Variants in ZBED4 observed in about 807,000 individuals in gnomAD.
ZBED4 encodes the protein zinc finger BED domain-containing protein 4.
In ZBED4, 4 loss-of-function variants were observed where a neutral mutation model predicts 15.5. The ratio of observed to expected loss-of-function variants is 0.26; its 90% CI spans 0.13 to 0.59. The LOEUF is 0.59. Among genes scored for constraint, ZBED4 ranks in the 20% least tolerant of loss-of-function variants. The probability of loss-of-function intolerance (pLI) is 0.90; values close to 1 mark genes in which losing one functional copy is unlikely to be tolerated. For synonymous variants in ZBED4, 692 were observed against 608.5 expected (o/e 1.14, Z -2.02); for missense variants, 1,323 against 1,461.8 (o/e 0.91, Z 1.55).
chr22:49,855,165 AT>A (rs1353154440), intron 1 of ZBED4, among the ~76,000 whole-genome samples: 1 of 152,164 alleles, frequency 6.6e-6, no homozygotes, highest in African/African-American at 2.4e-5. Flanking sequence ...CCTTAAACGG[AT>A]TATATCTGCT....
chr22:49,856,461 G>A (rs1307845903), intron 1 of ZBED4, among the ~76,000 whole-genome samples: 2 of 152,222 alleles, frequency 1.3e-5, no homozygotes, highest in Non-Finnish European at 2.9e-5. Flanking sequence ...GTCTGGGGGC[G>A]ATGGCGGAAG....
At chr22:49,872,346 A>G (rs963676458) in intron 1 of ZBED4, among the ~76,000 whole-genome samples, 4 of 152,126 alleles carry the variant, frequency 2.6e-5, no homozygotes, top group African/African-American at 7.2e-5. Context: ...GAGTACAGCA[A>G]TTCCGCCGTA....
At chr22:49,854,946 G>A (rs2060268680) in intron 1 of ZBED4, among the ~76,000 whole-genome samples, 1 of 152,168 alleles carries the variant, frequency 6.6e-6, no homozygotes, top group Admixed American at 6.6e-5. Context: ...TTTTTTCTGT[G>A]TATGTCATTC....
chr22:49,876,645 C>T (rs950971623), intron 1 of ZBED4, among the ~76,000 whole-genome samples: 1 of 152,004 alleles, frequency 6.6e-6, no homozygotes, highest in Non-Finnish European at 1.5e-5. Context: ...AGCCCTTTTC[C>T]TGTTTGCCCT....
At position 49,883,068 on chromosome 22, in the gene ZBED4, C is replaced by T. The variant is rs141272695; in HGVS notation, c.-329-266C>T. Among the ~76,000 whole-genome samples, 26 of 152,248 alleles carry T rather than the reference C, an allele frequency of 1.7e-4. No individual in the cohort carries two copies. In the East Asian group the frequency reaches 4.8e-3, roughly 28 times the overall value. On this transcript the variant is annotated intron_variant, in intron 1 of 1. Coordinates refer to ENST00000216268, the MANE Select transcript of ZBED4 (RefSeq NM_014838.3). ...TCTAGATGAGGCAACCTCTTTATAC[C>T]ATTCTAGGTTTTAATTCATGTTCCC...
intron 1 of ZBED4, among the ~76,000 whole-genome samples, chr22:49,863,957 C>T (rs1018658446): frequency 1.3e-5 from 2 of 152,196 alleles, no homozygotes; most frequent in African/African-American, 2.4e-5. Flanking sequence ...GACATCATTC[C>T]TGAACTCTCT....
At chr22:49,873,471 C>G (rs2060358763) in intron 1 of ZBED4, among the ~76,000 whole-genome samples, 1 of 152,062 alleles carries the variant, frequency 6.6e-6, no homozygotes, top group African/African-American at 2.4e-5. Flanking sequence ...ACGATGGTAG[C>G]ATTAGAGAGT....
chr22:49,865,424 G>A (rs906706351), intron 1 of ZBED4, among the ~76,000 whole-genome samples: 22 of 151,960 alleles, frequency 1.4e-4, no homozygotes, highest in Non-Finnish European at 2.2e-4. Context: ...TAAGGCGGGC[G>A]GAACTCCTGA....
intron 1 of ZBED4, among the ~76,000 whole-genome samples, chr22:49,862,205 T>A (rs866817483): frequency 6.6e-6 from 1 of 152,390 alleles, no homozygotes; most frequent in Middle Eastern, 3.4e-3. Flanking sequence ...CGGTTGGCCC[T>A]GTGCGTGGAA....
At chr22:49,855,944 G>A (rs1175124157) in intron 1 of ZBED4, among the ~76,000 whole-genome samples, 3 of 152,186 alleles carry the variant, frequency 2.0e-5, no homozygotes, top group African/African-American at 7.2e-5. Flanking sequence ...CCTTTAGCCC[G>A]TGACACCCCT....
rs149785047 is a variant in ZBED4, at chr22:49,875,553, T to C, written c.-329-7781T>C. On this transcript the variant is annotated intron_variant, in intron 1 of 1. Transcript: ENST00000216268. The stretch of plus-strand genomic sequence containing the variant: ...CTCCTGCCTCAGCCTCTCAGGTAGC[T>C]GGGGTTACAGGTGCGCACCACCACG... Among the ~76,000 whole-genome samples, 696 of 152,138 alleles carry C rather than the reference T, an allele frequency of 4.6e-3. 8 individuals carry two copies. The highest frequency in any genetic ancestry group is 0.015 in the African/African-American group (634 of 41,506).
Position 49,885,581 on chromosome 22 carries a change from CT to C in ZBED4, c.1923del (p.Phe641LeufsTer22). On this transcript the variant is annotated frameshift_variant, in exon 2 of 2. Coordinates refer to ENST00000216268, the MANE Select transcript of ZBED4 (RefSeq NM_014838.3). LOFTEE classifies it high-confidence loss of function. ...GGCACAGAATTATCAGGCGCTTCCT[CT>C]TTTGATGACACCAATGAGAAGTTTT... ...PRGTELSGASSFDDTNEKFYD... is the reference protein window; with the variant it reads ...PRGTELSGASXFDDTNEKFYD... 6.2e-7 allele frequency: 1 copy of C among 1,604,936 alleles called. No individual in the cohort carries two copies.
chr22:49,874,723 A>G (rs2060367586), intron 1 of ZBED4, among the ~76,000 whole-genome samples: 1 of 111,906 alleles, frequency 8.9e-6, no homozygotes, highest in African/African-American at 3.6e-5. Flanking sequence ...CTCTGTCGCC[A>G]GGCTGGAGGG....
At position 49,885,529 on chromosome 22, in the gene ZBED4, T is replaced by C. The variant is rs761765426; in HGVS notation, c.1867T>C (p.Ser623Pro). ...TGAGGTCTCGGAGACGGCTCGGCCC[T>C]CCTCTCCGGACACCCGGGTGCCGCG... ...KTEVSETARP[S>P]SPDTRVPRGT... The change falls in exon 2 of 2, where the codon TCC (serine) becomes CCC (proline). Residue 623 changes from serine to proline, a missense_variant. Around this residue, in one of 6 missense-constraint regions of ZBED4, gnomAD observed 429 missense variants for 397.9 expected, o/e 1.08. Coordinates refer to ENST00000216268, the MANE Select transcript of ZBED4 (RefSeq NM_014838.3). 2 of 1,608,134 alleles carry C rather than the reference T, an allele frequency of 1.2e-6. No individual in the cohort carries two copies. Among genetic ancestry groups the C allele is most frequent in the Non-Finnish European group, 1.7e-6 (2 of 1,175,068 alleles).
chr22:49,886,393 G>A lies in ZBED4; in HGVS notation c.2731G>A (p.Glu911Lys), dbSNP rs2060439103. ...RLIEQKRAIN[E>K]MSVECNFREL... The stretch of plus-strand genomic sequence containing the variant: ...CATTGAGCAGAAAAGGGCCATTAAC[G>A]AGATGTCCGTCGAGTGTAACTTCCG... Residue 911 changes from glutamate to lysine, a missense_variant, in exon 2 of 2, where the codon GAG (glutamate) becomes AAG (lysine). Physicochemically the swap from Glu to Lys is moderately conservative, Grantham distance 56. This residue lies in a region of ZBED4 where 312 missense variants were observed against 410.7 expected (regional missense o/e 0.76). Coordinates refer to ENST00000216268, the MANE Select transcript of ZBED4 (RefSeq NM_014838.3). This position sits in a 1 kb window ranked among gnomAD's most constrained non-coding sequence, Gnocchi z 7.7. 4.4e-6 allele frequency: 7 copies of A among 1,608,622 alleles called. No homozygotes were observed. Among genetic ancestry groups the A allele is most frequent in the East Asian group, 2.2e-5 (1 of 44,756 alleles).
Position 49,886,055 on chromosome 22 carries a change from C to G in ZBED4, c.2393C>G (p.Ser798Cys). ...LECWWEAWVT[S>C]TGLQVGITVT... ...TGCTGGTGGGAAGCGTGGGTGACCTCCACCGGCCTTCAGGTGGGCATCACC... is the reference window on the plus strand; with the variant it reads ...TGCTGGTGGGAAGCGTGGGTGACCTGCACCGGCCTTCAGGTGGGCATCACC... Residue 798 changes from serine to cysteine, a missense_variant, in exon 2 of 2, where the codon TCC (serine) becomes TGC (cysteine). Physicochemically the swap from Ser to Cys is moderately radical, Grantham distance 112. This residue lies in a region of ZBED4 where 100 missense variants were observed against 79.3 expected (regional missense o/e 1.26). Coordinates refer to ENST00000216268, the MANE Select transcript of ZBED4 (RefSeq NM_014838.3). The surrounding 1 kb of genome is among the most constrained non-coding windows in gnomAD (Gnocchi z 7.7). 1 of 681,164 alleles carries G rather than the reference C, an allele frequency of 1.5e-6. No homozygotes were observed. Among genetic ancestry groups the G allele is most frequent in the Non-Finnish European group, 2.7e-6 (1 of 370,632 alleles). 42.2% of individuals were successfully genotyped at this position (681,164 alleles called of 1,614,324 possible).
At position 49,883,542 on chromosome 22, in the gene ZBED4, A is replaced by G; in HGVS notation, c.-121A>G. ...TTTATGATTAGCCATATTTCTAGAA[A>G]CATCCTGAAAGATGGAATTATGACG... is the stretch of plus-strand genomic sequence containing the variant. On this transcript the variant is annotated 5_prime_UTR_variant, in exon 2 of 2. Coordinates refer to ENST00000216268, the MANE Select transcript of ZBED4 (RefSeq NM_014838.3). 7.5e-7 allele frequency: 1 copy of G among 1,334,566 alleles called. No homozygotes were observed. Among genetic ancestry groups the G allele is most frequent in the Non-Finnish European group, 1.0e-6 (1 of 1,003,184 alleles). 82.7% of individuals were successfully genotyped at this position (1,334,566 alleles called of 1,614,324 possible). A position where few individuals can be genotyped will look rare whatever the true frequency, so the allele number is the denominator to read the frequency against.
intron 1 of ZBED4, among the ~76,000 whole-genome samples, chr22:49,858,210 A>G (rs988015462): frequency 6.6e-6 from 1 of 152,140 alleles, no homozygotes. Flanking sequence ...CCCCCTTCTC[A>G]GTTTAGCCCA....
At chr22:49,871,601 A>G (rs778225739) in intron 1 of ZBED4, among the ~76,000 whole-genome samples, 8 of 152,138 alleles carry the variant, frequency 5.3e-5, no homozygotes, top group Non-Finnish European at 1.0e-4. Flanking sequence ...GAAAATGCCA[A>G]CAGTCATCTG....
Sources: gnomAD v4.1 joint callset for allele counts (sites outside exome capture counted in the v4.1 genomes callset) on GRCh38, gnomAD v4.1.1 for gene constraint, gnomAD v4.1.1 regional missense constraint, Gnocchi (gnomAD v3.1) non-coding constraint, MANE v1.5 for transcripts, NCBI Gene and HGNC (gene_info 2026-07-23, HGNC 2026-07-21) for gene names.